Variants in ASCC3 observed in about 807,000 individuals in gnomAD.
ASCC3 encodes ASC-1 complex subunit P200.
In ASCC3, 158 loss-of-function variants were observed where a neutral mutation model predicts 256.3. That is an observed-to-expected ratio of 0.62 (90% CI 0.54 to 0.70). ASCC3 has a LOEUF of 0.70. Among genes scored for constraint, ASCC3 ranks in the 30% least tolerant of loss-of-function variants. The pLI is 0.00. For missense variants in ASCC3, 2,259 were observed against 2,626.0 expected, an observed-to-expected ratio of 0.86 and a Z score of 3.05; for synonymous variants, 948 against 883.4, an observed-to-expected ratio of 1.07 and a Z score of -1.30.
At chr6:100,872,919 A>C (rs1773817292) in intron 1 of ASCC3, among the ~76,000 whole-genome samples, 1 of 152,102 alleles carries the variant, frequency 6.6e-6, no homozygotes, top group Non-Finnish European at 1.5e-5. Flanking sequence ...TCTCTGACAG[A>C]CCCTACCCAA....
chr6:100,532,875 A>C (rs1287562767), intron 37 of ASCC3, among the ~76,000 whole-genome samples: 1 of 152,160 alleles, frequency 6.6e-6, no homozygotes, highest in African/African-American at 2.4e-5. Context: ...TATTAAAAGA[A>C]AAAGGAAAAA....
At chr6:100,705,130 A>G (rs1778519314) in intron 13 of ASCC3, among the ~76,000 whole-genome samples, 1 of 152,044 alleles carries the variant, frequency 6.6e-6, no homozygotes, top group Non-Finnish European at 1.5e-5. Context: ...TGATTTCCCA[A>G]TAGCCAAGAA....
chr6:100,749,349 T>C lies in ASCC3; in HGVS notation c.1737+17216A>G, dbSNP rs149691800. ...TGGAAAAGAATTTAACAAAACAATA[T>C]ACAATCAACTTTCATTTTTAAATAT... On this transcript the variant is annotated intron_variant, in intron 10 of 41. Transcript: ENST00000369162. 5.5e-3 allele frequency among the ~76,000 whole-genome samples: 833 copies of C among 152,072 alleles called. 5 individuals carry two copies. Among genetic ancestry groups the C allele is most frequent in the Non-Finnish European group, 5.9e-3 (401 of 67,864 alleles).
chr6:100,542,966 A>T lies in ASCC3; in HGVS notation c.5551-2579T>A, dbSNP rs904831666. On this transcript the variant is annotated intron_variant, in intron 36 of 41. Coordinates refer to ENST00000369162, the MANE Select transcript of ASCC3 (RefSeq NM_006828.4). ...TTTTAATATCACTCAATACAAAATG[A>T]TTGTTTAAACAAAAATAATAAATAA... is the stretch of plus-strand genomic sequence containing the variant. 2.6e-5 allele frequency among the ~76,000 whole-genome samples: 4 copies of T among 152,172 alleles called. No individual in the cohort carries two copies. In the East Asian group the frequency reaches 7.7e-4, roughly 29 times the overall value.
chr6:100,707,137 G>A (rs1483525819), intron 13 of ASCC3, among the ~76,000 whole-genome samples: 1 of 152,094 alleles, frequency 6.6e-6, no homozygotes, highest in Non-Finnish European at 1.5e-5. Flanking sequence ...CCATGCATAT[G>A]ATGATATACT....
intron 36 of ASCC3, among the ~76,000 whole-genome samples, chr6:100,582,490 A>G (rs1437591280): frequency 6.6e-6 from 1 of 151,728 alleles, no homozygotes; most frequent in Non-Finnish European, 1.5e-5. Flanking sequence ...TTTTGGGCTG[A>G]GACAATGGGG....
intron 30 of ASCC3, among the ~76,000 whole-genome samples, chr6:100,617,517 C>G (rs371206631): frequency 6.6e-5 from 10 of 152,286 alleles, no homozygotes; most frequent in East Asian, 3.9e-4. Flanking sequence ...CACAGTAAAA[C>G]TTCTAGAAGT....
intron 21 of ASCC3, 113 bp from the exon 22 acceptor site, chr6:100,646,882 G>T: frequency 8.8e-7 from 1 of 1,129,968 alleles, no homozygotes; most frequent in Non-Finnish European, 1.3e-6. Context: ...TTTATGATTT[G>T]CTATGTAGAA....
chr6:100,804,247 G>GT (rs1770057705), intron 5 of ASCC3, among the ~76,000 whole-genome samples: 1 of 152,050 alleles, frequency 6.6e-6, no homozygotes, highest in Admixed American at 6.6e-5. Flanking sequence ...AGGTGTGTGG[G>GT]TAACGGGTCT....
intron 13 of ASCC3, among the ~76,000 whole-genome samples, chr6:100,709,507 C>T (rs1307489625): frequency 6.6e-6 from 1 of 152,034 alleles, no homozygotes; most frequent in African/African-American, 2.4e-5. Context: ...TTCATTTCTC[C>T]CTTTAACAAA....
chr6:100,584,835 A>G (rs928603108), intron 36 of ASCC3, among the ~76,000 whole-genome samples: 19 of 151,762 alleles, frequency 1.3e-4, no homozygotes, highest in Non-Finnish European at 2.9e-5. Context: ...TTTCTCCTTC[A>G]GTTATGAAGC....
intron 37 of ASCC3, among the ~76,000 whole-genome samples, chr6:100,523,060 T>C (rs1774387400): frequency 6.7e-6 from 1 of 149,810 alleles, no homozygotes. Flanking sequence ...AAGCAAATAA[T>C]AAGTTTGGAT....
chr6:100,642,512 T>A, intron 24 of ASCC3, 69 bp downstream of exon 24: 1 of 1,520,208 alleles, frequency 6.6e-7, no homozygotes, highest in Admixed American at 1.7e-5. Context: ...GGTGTAGACA[T>A]TTTTCAACAT....
At chr6:100,772,163 G>A (rs1235438055) in intron 8 of ASCC3, among the ~76,000 whole-genome samples, 1 of 152,072 alleles carries the variant, frequency 6.6e-6, no homozygotes, top group Admixed American at 6.6e-5. Flanking sequence ...TTACAGGCAT[G>A]AGCCACCGCA....
intron 11 of ASCC3, among the ~76,000 whole-genome samples, chr6:100,722,680 C>T (rs1562250131): frequency 1.3e-5 from 2 of 151,722 alleles, no homozygotes; most frequent in South Asian, 2.1e-4. Context: ...ATATACTGCA[C>T]ATGTTTTTCT....
intron 13 of ASCC3, among the ~76,000 whole-genome samples, chr6:100,703,801 GACT>G (rs1778453560): frequency 6.6e-6 from 1 of 151,704 alleles, no homozygotes; most frequent in African/African-American, 2.4e-5. Flanking sequence ...TATAACAAAT[GACT>G]GTTAACAAAG....
intron 4 of ASCC3, among the ~76,000 whole-genome samples, chr6:100,831,221 T>C (rs1771602364): frequency 6.6e-6 from 1 of 152,046 alleles, no homozygotes; most frequent in African/African-American, 2.4e-5. Flanking sequence ...CTTTCCCTTT[T>C]ATGCTTGAGA....
At chr6:100,649,106 G>C (rs555734755) in intron 20 of ASCC3, among the ~76,000 whole-genome samples, 3 of 151,730 alleles carry the variant, frequency 2.0e-5, no homozygotes, top group African/African-American at 7.2e-5. Context: ...TGCATTCAGG[G>C]ATGCTAAATC....
intron 1 of ASCC3, among the ~76,000 whole-genome samples, chr6:100,873,089 T>A (rs761132020): frequency 1.3e-5 from 2 of 151,784 alleles, no homozygotes; most frequent in Admixed American, 1.3e-4. Flanking sequence ...ATTAAGCTAA[T>A]CAAGGAAGCA....
Sources: gnomAD v4.1 joint callset for allele counts (sites outside exome capture counted in the v4.1 genomes callset) on GRCh38, gnomAD v4.1.1 for gene constraint, MANE v1.5 for transcripts, NCBI Gene and HGNC (gene_info 2026-07-23, HGNC 2026-07-21) for gene names.